GDAP1: variants seen among roughly 807,000 people sequenced by gnomAD.
The protein encoded by GDAP1 is ganglioside-induced differentiation-associated protein 1.
A neutral mutation model predicts 40.1 loss-of-function variants in GDAP1; 34 were observed. The ratio of observed to expected loss-of-function variants is 0.85; its 90% CI spans 0.64 to 1.13. GDAP1 has a LOEUF of 1.13. GDAP1 is among the 50% of genes most tolerant of loss of function. The pLI, the probability that GDAP1 is intolerant of heterozygous loss-of-function variation, is 0.00. For missense variants in GDAP1, 374 were observed against 433.7 expected, an observed-to-expected ratio of 0.86 and a Z score of 1.22; for synonymous variants, 170 against 157.4, an observed-to-expected ratio of 1.08 and a Z score of -0.60.
chr8:74,420,871 G>A (rs1053021375), intron 2 of GDAP1, among the ~76,000 whole-genome samples: 7 of 151,898 alleles, frequency 4.6e-5, no homozygotes, highest in African/African-American at 1.4e-4. Context: ...TTTAAGTTCT[G>A]GGGTACATGT....
At chr8:74,459,836 T>A (rs1022372738) in intron 2 of GDAP1, among the ~76,000 whole-genome samples, 1 of 152,206 alleles carries the variant, frequency 6.6e-6, no homozygotes, top group Non-Finnish European at 1.5e-5. Flanking sequence ...AATTTGAAAT[T>A]AAGGCATGCG....
chr8:74,480,136 A>C (rs1165682093), intron 2 of GDAP1, among the ~76,000 whole-genome samples: 1 of 151,808 alleles, frequency 6.6e-6, no homozygotes, highest in Non-Finnish European at 1.5e-5. Flanking sequence ...TTATAGGCGC[A>C]TGCCACCACA....
chr8:74,434,393 T>A (rs1806063458), intron 2 of GDAP1, among the ~76,000 whole-genome samples: 1 of 152,236 alleles, frequency 6.6e-6, no homozygotes, highest in Non-Finnish European at 1.5e-5. Flanking sequence ...GCCACTGAAC[T>A]GTTCTCATGA....
chr8:74,488,382 A>G (rs980271681), intron 2 of GDAP1, among the ~76,000 whole-genome samples: 2 of 152,144 alleles, frequency 1.3e-5, no homozygotes, highest in African/African-American at 4.8e-5. Flanking sequence ...TTTCCCCCAC[A>G]ACAGGAGTTT....
chr8:74,381,530 C>T (rs1328362651), intron 2 of GDAP1, among the ~76,000 whole-genome samples: 1 of 151,928 alleles, frequency 6.6e-6, no homozygotes, highest in Admixed American at 6.6e-5. Context: ...CCGACGTGGG[C>T]ACATCACTTG....
Position 74,405,862 on chromosome 8 carries a change from G to A in GDAP1, c.165+54541G>A, listed in dbSNP as rs191993743. 4.4e-4 allele frequency among the ~76,000 whole-genome samples: 66 copies of A among 149,780 alleles called. No homozygotes were observed. In the East Asian group the frequency reaches 0.011, roughly 25 times the overall value. ...AGAATTTCAATATTTCAGCATTGGA[G>A]GCCAGTCATTAATATGACATCGAGA... On this transcript the variant is annotated intron_variant, in intron 2 of 2. Coordinates refer to the GDAP1 transcript ENST00000523640.
intron 2 of GDAP1, among the ~76,000 whole-genome samples, chr8:74,462,638 G>A (rs1333560735): frequency 6.6e-6 from 1 of 152,144 alleles, no homozygotes; most frequent in African/African-American, 2.4e-5. Context: ...ACCTGTAGGA[G>A]TTACTAACAT....
intron 2 of GDAP1, among the ~76,000 whole-genome samples, chr8:74,473,536 T>C (rs756789420): frequency 2.0e-5 from 3 of 152,214 alleles, no homozygotes; most frequent in Non-Finnish European, 4.4e-5. Context: ...ATTCCAGCAT[T>C]ATTTATTGAA....
At chr8:74,402,631 A>T (rs1232745033) in intron 2 of GDAP1, among the ~76,000 whole-genome samples, 1 of 150,282 alleles carries the variant, frequency 6.7e-6, no homozygotes, top group African/African-American at 2.5e-5. Context: ...TGCAGAAATC[A>T]CCCGTCTTCT....
At chr8:74,428,835 G>A (rs1407174970) in intron 2 of GDAP1, among the ~76,000 whole-genome samples, 3 of 150,592 alleles carry the variant, frequency 2.0e-5, no homozygotes, top group Non-Finnish European at 3.0e-5. Flanking sequence ...CTAACATTAG[G>A]TATATCTCCT....
intron 2 of GDAP1, among the ~76,000 whole-genome samples, chr8:74,389,205 A>G (rs1810071609): frequency 6.6e-6 from 1 of 151,944 alleles, no homozygotes; most frequent in African/African-American, 2.4e-5. Context: ...TTATGTGTGA[A>G]TTTCATCCTG....
In GDAP1 at chr8:74,406,103, A is replaced by G. The variant is rs924519901; in HGVS notation, c.165+54782A>G. On this transcript the variant is annotated intron_variant, in intron 2 of 2. Transcript: ENST00000523640. Reference sequence around the variant, plus strand: ...TGGCATAAACAAAAGCTAACTGTTCAGCCAGATCCACATGACTTGGATCAT... The same window carrying G: ...TGGCATAAACAAAAGCTAACTGTTCGGCCAGATCCACATGACTTGGATCAT... Among the ~76,000 whole-genome samples, 9 of 150,352 alleles carry G rather than the reference A, an allele frequency of 6.0e-5. 1 individual carries two copies. Among genetic ancestry groups the G allele is most frequent in the African/African-American group, 2.3e-4 (9 of 39,616 alleles).
At chr8:74,456,499 C>T (rs564165731) in intron 2 of GDAP1, among the ~76,000 whole-genome samples, 1 of 151,880 alleles carries the variant, frequency 6.6e-6, no homozygotes, top group South Asian at 2.1e-4. Context: ...GATCATGACC[C>T]CTTAATAGAA....
chr8:74,361,709 T>C lies in GDAP1; in HGVS notation c.485-175T>C, dbSNP rs183892867. Among the ~76,000 whole-genome samples, 58 of 152,316 alleles carry C rather than the reference T, an allele frequency of 3.8e-4. No homozygotes were observed. The East Asian group carries it at 0.01, about 26-fold the overall frequency. Reference sequence around the variant, plus strand: ...CGCGCCCAGCCGGCAGATACTCTTATGGTTCCATTTGAAAGGTGAGGAAAC... The same window carrying C: ...CGCGCCCAGCCGGCAGATACTCTTACGGTTCCATTTGAAAGGTGAGGAAAC... On this transcript the variant is annotated intron_variant, in intron 3 of 5. Coordinates refer to ENST00000220822, the MANE Select transcript of GDAP1 (RefSeq NM_018972.4).
intron 2 of GDAP1, among the ~76,000 whole-genome samples, chr8:74,440,845 G>A (rs10808800): frequency 6.6e-6 from 1 of 152,124 alleles, no homozygotes; most frequent in East Asian, 1.9e-4. Context: ...TTTTTTATAA[G>A]CAGCAGAGAC....
At chr8:74,363,123 C>A in intron 5 of GDAP1, 70 bp downstream of exon 5, 1 of 794,908 alleles carries the variant, frequency 1.3e-6, no homozygotes, top group Non-Finnish European at 2.2e-6. Flanking sequence ...TCTTAGGTCT[C>A]ACCAAAAACG....
chr8:74,411,446 T>A (rs2131553990), intron 2 of GDAP1, among the ~76,000 whole-genome samples: 1 of 149,616 alleles, frequency 6.7e-6, no homozygotes, highest in East Asian at 1.9e-4. Context: ...TTGCTGAAAT[T>A]TTCAGTGTTT....
intron 2 of GDAP1, among the ~76,000 whole-genome samples, chr8:74,417,561 C>T (rs1196413060): frequency 6.7e-6 from 1 of 149,768 alleles, no homozygotes; most frequent in African/African-American, 2.5e-5. Flanking sequence ...TGAGCCAATG[C>T]GCCCAGCCAA....
intron 2 of GDAP1, among the ~76,000 whole-genome samples, chr8:74,389,997 AC>A (rs1810082860): frequency 1.3e-5 from 2 of 152,142 alleles, no homozygotes; most frequent in Admixed American, 1.3e-4. Context: ...CGTACGCTTC[AC>A]GAAGTTCTCC....
Sources: allele counts gnomAD v4.1 joint callset (sites outside exome capture counted in the v4.1 genomes callset), GRCh38; gene constraint gnomAD v4.1.1; transcripts MANE v1.5; gene names NCBI Gene and HGNC (gene_info 2026-07-23, HGNC 2026-07-21).